Variants in NOS2 observed in about 807,000 individuals in gnomAD.
NOS2 encodes the protein nitric oxide synthase, inducible.
Under a neutral mutation model 136.0 loss-of-function variants are expected in NOS2, and 96 were observed. The ratio of observed to expected loss-of-function variants is 0.71; its 90% confidence interval spans 0.60 to 0.84. The LOEUF (loss-of-function observed/expected upper bound fraction) is 0.84. Ranked by LOEUF, NOS2 falls within the 40% of genes least tolerant of loss-of-function variation. NOS2 has a pLI of 0.00. For synonymous variants in NOS2, 539 were observed against 587.5 expected (o/e 0.92, Z 1.20); for missense variants, 1,237 against 1,496.9 (o/e 0.83, Z 2.87).
At position 27,773,446 on chromosome 17, in the gene NOS2, T is replaced by C. The variant is rs574162452; in HGVS notation, c.1477-203A>G. Among the ~76,000 whole-genome samples, 4 of 152,344 alleles carry C rather than the reference T, an allele frequency of 2.6e-5. No individual in the cohort carries two copies. In the East Asian group the frequency reaches 5.8e-4, roughly 22 times the overall value. ...AGAGTTGCCTCTCCACTGCCCGGCA[T>C]GGAGCCTGCACATCGAGGGGGGGCG... On this transcript the variant is annotated intron_variant, in intron 12 of 26. Coordinates refer to ENST00000313735, the MANE Select transcript of NOS2 (RefSeq NM_000625.4).
At chr17:27,763,243 C>T (rs1163638498) in intron 21 of NOS2, among the ~76,000 whole-genome samples, 3 of 152,134 alleles carry the variant, frequency 2.0e-5, no homozygotes, top group African/African-American at 7.2e-5. Flanking sequence ...AACTCATGGG[C>T]AGGGGTCAAA....
chr17:27,774,198 A>G, intron 12 of NOS2, 59 bp downstream of exon 12: 1 of 1,300,662 alleles, frequency 7.7e-7, no homozygotes, highest in Non-Finnish European at 1.0e-6. Context: ...GCACACACAC[A>G]CACACACATA....
intron 2 of NOS2, among the ~76,000 whole-genome samples, chr17:27,794,937 C>T (rs1909308531): frequency 6.6e-6 from 1 of 152,194 alleles, no homozygotes; most frequent in Non-Finnish European, 1.5e-5. Flanking sequence ...CATCACCCCT[C>T]CCTCACCTGA....
intron 19 of NOS2, 130 bp downstream of exon 19, chr17:27,766,380 C>T (rs1437562938): frequency 4.7e-6 from 4 of 848,738 alleles, no homozygotes; most frequent in East Asian, 5.0e-5. Context: ...CCGGTCCTAC[C>T]GACAGTGTGG....
intron 4 of NOS2, among the ~76,000 whole-genome samples, 183 bp from the exon 5 acceptor site, chr17:27,788,009 C>T (rs993372877): frequency 6.6e-6 from 1 of 152,194 alleles, no homozygotes; most frequent in Non-Finnish European, 1.5e-5. Flanking sequence ...GATCTCCTCT[C>T]TTCCACTGGC....
chr17:27,774,335 AG>A lies in NOS2; in HGVS notation c.1397del (p.Pro466LeufsTer16). ...CGGGGGTGATGCTCCCAGACATGGG[AG>A]GGACCAGCCAAATCCAGTCTGCCGG... Reference protein sequence around the residue: ...GCPADWIWLVPPMSGSITPVF... With the variant: ...GCPADWIWLVXPMSGSITPVF... On this transcript the variant is annotated frameshift_variant, in exon 12 of 27. Transcript: ENST00000313735. LOFTEE classifies it high-confidence loss of function. The A allele has an allele frequency of 6.3e-7, 1 of 1,586,386 alleles. No individual in the cohort carries two copies. Among genetic ancestry groups the A allele is most frequent in the Non-Finnish European group, 8.6e-7 (1 of 1,166,708 alleles).
Position 27,793,502 on chromosome 17 carries a change from C to G in NOS2, c.111-3814G>C, listed in dbSNP as rs34658875. ...CCACAGAGCGCACATCCCCGCCCTC[C>G]GATTTCTCCCAGAGAGAGATGGGGC... On this transcript the variant is annotated intron_variant, in intron 2 of 26. Transcript: ENST00000313735. 2,478 of 394,042 alleles carry G rather than the reference C, an allele frequency of 6.3e-3. 12 individuals carry two copies. The highest frequency in any genetic ancestry group is 7.2e-3 in the Non-Finnish European group (1,598 of 223,050). The allele number at this position is 394,042 out of a possible 1,614,324, so 24.4% of individuals were successfully genotyped here. A position where few individuals can be genotyped will look rare whatever the true frequency, so the allele number is the denominator to read the frequency against.
chr17:27,760,288 C>T, intron 24 of NOS2, 110 bp from the exon 25 acceptor site: 1 of 1,179,660 alleles, frequency 8.5e-7, no homozygotes. Flanking sequence ...ATAGCATTAT[C>T]CCCACTTTAC....
In NOS2 at chr17:27,788,947, A is replaced by G. The variant is rs1909107723; in HGVS notation, c.196-16T>C. 3.1e-6 allele frequency: 5 copies of G among 1,612,712 alleles called. No homozygotes were observed. The highest frequency in any genetic ancestry group is 4.2e-6 in the Non-Finnish European group (5 of 1,178,994). ...CTGGAGACTTCTGCAAGGGGAAAAA[A>G]CAGGGTTTTCTCTCAGGTCTCTCCT... On this transcript the variant is annotated splice_polypyrimidine_tract_variant and intron_variant, in intron 3 of 26. Transcript: ENST00000313735.
intron 15 of NOS2, among the ~76,000 whole-genome samples, chr17:27,770,357 G>A (rs1241211121): frequency 6.6e-5 from 10 of 152,172 alleles, no homozygotes; most frequent in East Asian, 1.9e-4. Flanking sequence ...ATGGTGGCGC[G>A]TGCCTGTAAT....
At chr17:27,757,592 C>T (rs917859857) in intron 26 of NOS2, among the ~76,000 whole-genome samples, 9 of 152,208 alleles carry the variant, frequency 5.9e-5, no homozygotes, top group Non-Finnish European at 8.8e-5. Flanking sequence ...GCGTTCATCC[C>T]CCACCCAAGA....
At position 27,764,025 on chromosome 17, in the gene NOS2, C is replaced by T. The variant is rs138793535; in HGVS notation, c.2548G>A (p.Ala850Thr). 3.9e-4 allele frequency: 634 copies of T among 1,613,552 alleles called. No homozygotes were observed. The highest frequency in any genetic ancestry group is 5.1e-4 in the Non-Finnish European group (598 of 1,179,792). ...QLLLQKLAQV[A>T]TEEPERQRLE... The stretch of plus-strand genomic sequence containing the variant: ...CTCTGTCTCTCAGGCTCTTCTGTGG[C>T]CACCTGGGCCAGCTTTTGGAGCAGC... The change falls in exon 21 of 27, where the codon GCC becomes ACC. Residue 850 changes from alanine to threonine, a missense_variant. By Grantham distance (58) the Ala-to-Thr change is moderately conservative. Around this residue, in one of 3 missense-constraint regions of NOS2, gnomAD observed 782 missense variants for 909.9 expected, o/e 0.86. Coordinates refer to ENST00000313735, the MANE Select transcript of NOS2 (RefSeq NM_000625.4).
At chr17:27,786,077 GCTGTGTGAGGCT>G (rs1219621127) in intron 5 of NOS2, among the ~76,000 whole-genome samples, 2 of 151,522 alleles carry the variant, frequency 1.3e-5, no homozygotes, top group Non-Finnish European at 2.9e-5. Context: ...GTGGTGCAGT[GCTGTGTGAGGCT>G]CTCCCCTAAT....
At chr17:27,766,334 C>T (rs1471102625) in intron 19 of NOS2, among the ~76,000 whole-genome samples, 176 bp downstream of exon 19, 23 of 152,204 alleles carry the variant, frequency 1.5e-4, no homozygotes, top group Admixed American at 1.1e-3. Flanking sequence ...CAAGAGTAGA[C>T]GTAAAAGCAC....
intron 26 of NOS2, 88 bp downstream of exon 26, chr17:27,758,793 C>G: frequency 9.4e-7 from 1 of 1,069,382 alleles, no homozygotes; most frequent in Non-Finnish European, 1.3e-6. Context: ...GGGCCTGATT[C>G]CCCTGGGTCT....
In NOS2 at chr17:27,769,061, G is replaced by T; in HGVS notation, c.1950C>A (p.Ala650=). ...DIDQKLSHLG[A]SQLTPMGEGD... is the part of the protein sequence containing the mutation. ...CTTCTCCCATCGGGGTGAGCTGAGAGGCCCCCAGGTGGGACAGCTTCTGAT... is the reference window on the plus strand; with the variant it reads ...CTTCTCCCATCGGGGTGAGCTGAGATGCCCCCAGGTGGGACAGCTTCTGAT... Residue 650 remains alanine (A), a synonymous_variant, in exon 17 of 27, where the codon GCC becomes GCA. Transcript: ENST00000313735. 1.2e-6 allele frequency: 2 copies of T among 1,612,808 alleles called. No individual in the cohort carries two copies. The highest frequency in any genetic ancestry group is 1.7e-5 in the Admixed American group (1 of 59,870).
intron 12 of NOS2, 46 bp from the exon 13 acceptor site, chr17:27,773,289 T>C (rs777459204): frequency 1.4e-6 from 2 of 1,425,184 alleles, no homozygotes; most frequent in South Asian, 1.2e-5. Context: ...GGTCCTGGCT[T>C]GGCTCAGCTC....
At chr17:27,777,492 G>A (rs772526305) in intron 11 of NOS2, among the ~76,000 whole-genome samples, 4 of 152,120 alleles carry the variant, frequency 2.6e-5, no homozygotes, top group Non-Finnish European at 5.9e-5. Flanking sequence ...TGTTATCCTC[G>A]CACAGCAAGC....
intron 5 of NOS2, among the ~76,000 whole-genome samples, chr17:27,786,592 T>A (rs1326665734): frequency 1.3e-5 from 2 of 152,364 alleles, no homozygotes; most frequent in East Asian, 3.9e-4. Flanking sequence ...TCTAAAAACA[T>A]GAAAATGGCT....
Sources: allele counts gnomAD v4.1 joint callset (sites outside exome capture counted in the v4.1 genomes callset), GRCh38; gene constraint gnomAD v4.1.1; regional missense constraint gnomAD v4.1.1; transcripts MANE v1.5; gene names NCBI Gene and HGNC (gene_info 2026-07-23, HGNC 2026-07-21).